Variants in WWOX observed in about 807,000 individuals in gnomAD.
WWOX encodes WW domain containing oxidoreductase.
A neutral mutation model predicts 46.2 loss-of-function variants in WWOX; 69 were observed. The ratio of observed to expected loss-of-function variants is 1.49; its 90% confidence interval spans 1.23 to 1.82. The LOEUF (loss-of-function observed/expected upper bound fraction) is 1.82. Ranked by LOEUF, WWOX falls within the 40% of genes most tolerant of loss-of-function variation. WWOX has a pLI of 0.00. For synonymous variants in WWOX, 359 were observed against 202.6 expected (o/e 1.77, Z -6.56); for missense variants, 919 against 542.6 (o/e 1.69, Z -6.89).
At chr16:78,855,372 G>T in intron 8 of WWOX, among the ~76,000 whole-genome samples, 1 of 152,156 alleles carries the variant, frequency 6.6e-6, no homozygotes, top group East Asian at 1.9e-4. Flanking sequence ...GACTAAAATT[G>T]TATGTTGCGG....
intron 6 of WWOX, among the ~76,000 whole-genome samples, chr16:78,415,133 A>G (rs1597197512): frequency 6.7e-6 from 1 of 149,964 alleles, no homozygotes; most frequent in Non-Finnish European, 1.5e-5. Context: ...ATGTAACTAT[A>G]AACAAGGGGT....
At chr16:78,295,046 T>C (rs2079921371) in intron 5 of WWOX, among the ~76,000 whole-genome samples, 1 of 152,180 alleles carries the variant, frequency 6.6e-6, no homozygotes, top group Non-Finnish European at 1.5e-5. Context: ...AGGCTCACCC[T>C]GGCCTGTGTC....
At chr16:78,316,025 C>A (rs1406700519) in intron 5 of WWOX, among the ~76,000 whole-genome samples, 1 of 151,904 alleles carries the variant, frequency 6.6e-6, no homozygotes, top group Non-Finnish European at 1.5e-5. Flanking sequence ...GTGGGCGGAT[C>A]ACTTGAGGTC....
At chr16:78,838,265 CA>C (rs1318164023) in intron 8 of WWOX, among the ~76,000 whole-genome samples, 1 of 151,936 alleles carries the variant, frequency 6.6e-6, no homozygotes, top group East Asian at 1.9e-4. Context: ...AAGCGAGCGT[CA>C]AAAAAAGACA....
chr16:78,659,040 C>G (rs1270074154), intron 8 of WWOX, among the ~76,000 whole-genome samples: 4 of 149,786 alleles, frequency 2.7e-5, no homozygotes, highest in South Asian at 2.1e-4. Flanking sequence ...TGCAGTGAGC[C>G]GAGATTGTGC....
chr16:78,288,703 C>T (rs573171179), intron 5 of WWOX, among the ~76,000 whole-genome samples: 3 of 152,100 alleles, frequency 2.0e-5, no homozygotes, highest in South Asian at 2.1e-4. Context: ...GAGAAAATTC[C>T]GAGTGTCAGT....
At position 78,308,386 on chromosome 16, in the gene WWOX, C is replaced by G. The variant is rs143016937; in HGVS notation, c.517-78474C>G. On this transcript the variant is annotated intron_variant, in intron 5 of 8. Coordinates refer to ENST00000566780, the MANE Select transcript of WWOX (RefSeq NM_016373.4). Reference sequence around the variant, plus strand: ...GGGGGTTGGATATGACTCATTATACCCTTCTTTTTTTGGAATTCAGTCACA... The same window carrying G: ...GGGGGTTGGATATGACTCATTATACGCTTCTTTTTTTGGAATTCAGTCACA... Among the ~76,000 whole-genome samples, 608 of 152,182 alleles carry G rather than the reference C, an allele frequency of 4.0e-3. 6 individuals carry two copies. The highest frequency in any genetic ancestry group is 5.6e-3 in the Non-Finnish European group (380 of 68,018).
At chr16:78,398,403 A>G (rs2082337255) in intron 6 of WWOX, among the ~76,000 whole-genome samples, 1 of 152,140 alleles carries the variant, frequency 6.6e-6, no homozygotes, top group Non-Finnish European at 1.5e-5. Flanking sequence ...CAGTTATGTA[A>G]GCATAGATTC....
chr16:78,343,053 TA>T (rs1307235478), intron 5 of WWOX, among the ~76,000 whole-genome samples: 1 of 121,358 alleles, frequency 8.2e-6, no homozygotes, highest in Non-Finnish European at 2.0e-5. Flanking sequence ...GGCCATCCAG[TA>T]GGCCACGCAA....
rs368853054 is a variant in WWOX, at chr16:78,386,957, T to G, written c.605+9T>G. 6.2e-7 allele frequency: 1 copy of G among 1,612,412 alleles called. No individual in the cohort carries two copies. Among genetic ancestry groups the G allele is most frequent in the South Asian group, 1.1e-5 (1 of 91,044 alleles). ...TTCAAGGCCAAGAATGTGTGAGTGT[T>G]CCAGTGGAGGGTTATAGATCATAAT... On this transcript the variant is annotated intron_variant, in intron 6 of 8. Transcript: ENST00000566780.
chr16:78,590,120 C>T (rs74029580), intron 8 of WWOX, among the ~76,000 whole-genome samples: 1,975 of 147,972 alleles, frequency 0.013, 39 homozygotes, highest in African/African-American at 0.047. Flanking sequence ...AATAGCTTGC[C>T]ATGTCTGATA....
At chr16:79,006,734 T>TG (rs1424031481) in intron 8 of WWOX, among the ~76,000 whole-genome samples, 2 of 152,106 alleles carry the variant, frequency 1.3e-5, no homozygotes, top group East Asian at 3.9e-4. Flanking sequence ...CTTGTACCCT[T>TG]GCGTCTTCCG....
At chr16:78,581,756 G>T (rs1206943212) in intron 8 of WWOX, among the ~76,000 whole-genome samples, 1 of 152,104 alleles carries the variant, frequency 6.6e-6, no homozygotes, top group East Asian at 1.9e-4. Flanking sequence ...TGTAACACCA[G>T]GTTCCCTACC....
At chr16:78,108,759 G>A (rs1439365726) in intron 2 of WWOX, among the ~76,000 whole-genome samples, 12 of 152,230 alleles carry the variant, frequency 7.9e-5, no homozygotes, top group Non-Finnish European at 1.2e-4. Flanking sequence ...AGGCCGAGGC[G>A]GATGGATCAC....
intron 4 of WWOX, among the ~76,000 whole-genome samples, chr16:78,122,424 C>T (rs147862483): frequency 1.3e-5 from 2 of 151,948 alleles, no homozygotes; most frequent in Admixed American, 1.3e-4. Flanking sequence ...GTGGGTCAAA[C>T]CCATAATTAA....
intron 8 of WWOX, among the ~76,000 whole-genome samples, chr16:78,932,682 T>G (rs1290380694): frequency 2.0e-5 from 3 of 152,202 alleles, no homozygotes; most frequent in Admixed American, 6.5e-5. Context: ...TGGGAGGACC[T>G]GGTGGAGTTA....
intron 5 of WWOX, among the ~76,000 whole-genome samples, chr16:78,178,310 C>G (rs538056395): frequency 1.3e-5 from 2 of 152,162 alleles, no homozygotes; most frequent in Admixed American, 6.5e-5. Flanking sequence ...GTTTTCATTC[C>G]CGCAAAAGCT....
chr16:78,099,744 G>C lies in WWOX; in HGVS notation c.-35G>C. ...TCCTGAGCGAGTGGACCCGGCAGCG[G>C]GCGATAGGGGGGCCAGGTGCCTCCA... On this transcript the variant is annotated 5_prime_UTR_variant, in exon 1 of 9. Transcript: ENST00000566780. 2 of 1,520,098 alleles carry C rather than the reference G, an allele frequency of 1.3e-6. No homozygotes were observed. Among genetic ancestry groups the C allele is most frequent in the African/African-American group, 1.4e-5 (1 of 71,022 alleles). 94.2% of individuals were successfully genotyped at this position (1,520,098 alleles called of 1,614,324 possible).
intron 8 of WWOX, among the ~76,000 whole-genome samples, chr16:78,622,452 G>T (rs1009555341): frequency 1.1e-4 from 16 of 151,604 alleles, no homozygotes; most frequent in African/African-American, 3.4e-4. Context: ...TGAGACTTAA[G>T]AATCGCTTGA....
Sources: allele counts gnomAD v4.1 joint callset (sites outside exome capture counted in the v4.1 genomes callset), GRCh38; gene constraint gnomAD v4.1.1; transcripts MANE v1.5; gene names NCBI Gene and HGNC (gene_info 2026-07-23, HGNC 2026-07-21).